The following IQSEC1 variants were observed in gnomAD, a reference collection of about 807,000 sequenced individuals.
IQSEC1 encodes IQ motif and Sec7 domain ArfGEF 1, also known as IQ motif and SEC7 domain-containing protein 1.
Under a neutral mutation model 91.0 loss-of-function variants are expected in IQSEC1, and 31 were observed. That is an observed-to-expected ratio of 0.34 (90% confidence interval 0.26 to 0.46). The LOEUF (loss-of-function observed/expected upper bound fraction) is 0.46, where lower values mean the gene tolerates loss of function less well. Among genes scored for constraint, IQSEC1 ranks in the 20% least tolerant of loss-of-function variants. IQSEC1 has a pLI of 1.00. For synonymous variants in IQSEC1, 699 were observed against 662.6 expected (o/e 1.05, Z -0.84); for missense variants, 1,388 against 1,575.6 (o/e 0.88, Z 2.02).
intron 1 of IQSEC1, among the ~76,000 whole-genome samples, chr3:13,254,089 C>T (rs1391432836): frequency 4.6e-5 from 7 of 152,234 alleles, no homozygotes; most frequent in African/African-American, 1.7e-4. Context: ...CACAGTCAGC[C>T]GTCACGTTGA....
intron 1 of IQSEC1, among the ~76,000 whole-genome samples, chr3:13,257,396 G>A (rs1450548932): frequency 6.6e-6 from 1 of 152,174 alleles, no homozygotes; most frequent in Non-Finnish European, 1.5e-5. Flanking sequence ...TGAACCCCAC[G>A]CTGTGGGTCC....
Position 12,911,680 on chromosome 3 carries a change from G to A in IQSEC1, c.2365C>T (p.Arg789Ter), listed in dbSNP as rs1332327407. Residue 789 changes from arginine (R) to a stop codon, truncating the protein, a stop_gained, in exon 10 of 14, where the codon CGA (arginine) becomes TGA (stop). Coordinates refer to ENST00000613206, the MANE Select transcript of IQSEC1 (RefSeq NM_001134382.3). LOFTEE classifies it high-confidence loss of function. Reference protein sequence around the residue: ...KKKNSVTYSFRQSFSLYGMQV... With the variant: ...KKKNSVTYSF ...ATGCCGTACAAGGAGAAGGACTGTC[G>A]GAAGCTGTACGTCACCGAGTTCTTC... 2 of 1,613,760 alleles carry A rather than the reference G, an allele frequency of 1.2e-6. No individual in the cohort carries two copies. Among genetic ancestry groups the A allele is most frequent in the East Asian group, 2.2e-5 (1 of 44,898 alleles).
intron 6 of IQSEC1, 141 bp downstream of exon 6, chr3:12,920,289 C>A (rs1350585865): frequency 1.3e-6 from 1 of 780,500 alleles, no homozygotes; most frequent in Admixed American, 2.3e-5. Context: ...TCCCCAAAGG[C>A]CCCTCCATGC....
rs552147607 is a variant in IQSEC1 at position 13,037,767 on chromosome 3, AAC to A, written c.23+35223_23+35224del. Among the ~76,000 whole-genome samples, 40 of 152,310 alleles carry A rather than the reference AAC, an allele frequency of 2.6e-4. No homozygotes were observed. In the South Asian group the frequency reaches 7.9e-3, roughly 30 times the overall value. On this transcript the variant is annotated intron_variant, in intron 1 of 13. Coordinates refer to ENST00000613206, the MANE Select transcript of IQSEC1 (RefSeq NM_001134382.3). Reference sequence around the variant, plus strand: ...AAGTGAAATAATAAAATAACAAAAAAACAAATACTGTATTGATTCCATTCATA... The same window carrying A: ...AAGTGAAATAATAAAATAACAAAAAAAAATACTGTATTGATTCCATTCATA...
At chr3:13,129,538 AC>A (rs1274021118) in intron 2 of IQSEC1, among the ~76,000 whole-genome samples, 2 of 152,212 alleles carry the variant, frequency 1.3e-5, no homozygotes, top group Admixed American at 1.3e-4. Context: ...TAAAAACAAA[AC>A]AAAACAGTTT....
rs1165365935 is a variant in IQSEC1, at chr3:12,908,633, G to C, written c.2579-108C>G. 11 of 1,205,382 alleles carry C rather than the reference G, an allele frequency of 9.1e-6. No homozygotes were observed. The highest frequency in any genetic ancestry group is 1.1e-5 in the Non-Finnish European group (9 of 845,084). The allele number at this position is 1,205,382 out of a possible 1,614,324, so 74.7% of individuals were successfully genotyped here. A position where few individuals can be genotyped will look rare whatever the true frequency, so the allele number is the denominator to read the frequency against. On this transcript the variant is annotated intron_variant, in intron 11 of 13. Transcript: ENST00000613206. The surrounding 1 kb of genome is among the most constrained non-coding windows in gnomAD (Gnocchi z 4.9). ...CACTGTCCTGAGCCACCATCTGCTT[G>C]GAATGGGGAAGGGTTGTTTCTGGGA...
chr3:12,920,339 G>C, intron 6 of IQSEC1, 91 bp downstream of exon 6: 1 of 1,314,946 alleles, frequency 7.6e-7, no homozygotes, highest in Non-Finnish European at 1.1e-6. Flanking sequence ...CCAACTGGAG[G>C]TTGCCTCACG....
intron 2 of IQSEC1, among the ~76,000 whole-genome samples, chr3:13,084,296 A>T (rs955391904): frequency 6.6e-6 from 1 of 150,664 alleles, no homozygotes; most frequent in Non-Finnish European, 1.5e-5. Context: ...GGTGGTGTGG[A>T]GTCTGGGGCC....
chr3:13,210,767 T>C (rs1694429187), intron 1 of IQSEC1, among the ~76,000 whole-genome samples: 2 of 151,960 alleles, frequency 1.3e-5, no homozygotes, highest in Admixed American at 1.3e-4. Flanking sequence ...GAGTCATGTG[T>C]TTCTCCCTGT....
At chr3:12,929,041 A>G (rs1434514538) in intron 3 of IQSEC1, among the ~76,000 whole-genome samples, 1 of 152,196 alleles carries the variant, frequency 6.6e-6, no homozygotes, top group Non-Finnish European at 1.5e-5. Context: ...GACGGAGATA[A>G]AGTCCAAGAA....
chr3:13,186,767 C>T (rs1693938491), intron 1 of IQSEC1, among the ~76,000 whole-genome samples: 1 of 152,108 alleles, frequency 6.6e-6, no homozygotes, highest in African/African-American at 2.4e-5. Context: ...GGGCTCCCTG[C>T]ACTGGACGGC....
In IQSEC1 at chr3:13,057,869, T is replaced by A. The variant is rs898562405; in HGVS notation, c.23+15123A>T. Among the ~76,000 whole-genome samples the A allele has an allele frequency of 7.2e-5, 11 of 152,294 alleles. No individual in the cohort carries two copies. The East Asian group carries it at 2.1e-3, about 29-fold the overall frequency. On this transcript the variant is annotated intron_variant, in intron 1 of 13. Coordinates refer to ENST00000613206, the MANE Select transcript of IQSEC1 (RefSeq NM_001134382.3). ...CCACCCCATGCCTGCACTCAGCAAC[T>A]ACATGAAAGGAAAATCTGCCCCCAG...
chr3:13,178,725 C>T (rs535167531), intron 1 of IQSEC1, among the ~76,000 whole-genome samples: 14 of 152,328 alleles, frequency 9.2e-5, no homozygotes, highest in South Asian at 6.2e-4. Context: ...GAAAAAGTAA[C>T]GGCTGAGAAT....
chr3:13,005,231 A>G (rs934269430), intron 1 of IQSEC1, among the ~76,000 whole-genome samples: 30 of 152,252 alleles, frequency 2.0e-4, no homozygotes, highest in African/African-American at 7.0e-4. Flanking sequence ...TTTACTTGAA[A>G]AGCCCGGGAG....
chr3:13,263,792 C>T (rs1695436835), intron 1 of IQSEC1, among the ~76,000 whole-genome samples: 1 of 152,118 alleles, frequency 6.6e-6, no homozygotes, highest in Non-Finnish European at 1.5e-5. Flanking sequence ...CCGTCCCTGC[C>T]AGCCTCCCCC....
intron 2 of IQSEC1, among the ~76,000 whole-genome samples, chr3:13,080,978 G>T (rs1373839754): frequency 6.6e-6 from 1 of 152,244 alleles, no homozygotes; most frequent in Non-Finnish European, 1.5e-5. Flanking sequence ...TCAAACAAAT[G>T]TTAAGGTAAA....
chr3:13,254,965 G>A (rs917642892), intron 1 of IQSEC1, among the ~76,000 whole-genome samples: 3 of 152,164 alleles, frequency 2.0e-5, no homozygotes, highest in African/African-American at 4.8e-5. Context: ...CTCCAGATCC[G>A]ACAAGGCACA....
At chr3:13,151,654 A>C (rs1182318452) in intron 2 of IQSEC1, among the ~76,000 whole-genome samples, 1 of 152,224 alleles carries the variant, frequency 6.6e-6, no homozygotes, top group African/African-American at 2.4e-5. Context: ...AAGTACCATC[A>C]TGTCTACATC....
chr3:13,087,377 C>T (rs914132833), intron 2 of IQSEC1, among the ~76,000 whole-genome samples: 3 of 152,194 alleles, frequency 2.0e-5, no homozygotes, highest in African/African-American at 7.2e-5. Flanking sequence ...GCAGGAGAGG[C>T]TCTCGGTGCA....
Sources: allele counts gnomAD v4.1 joint callset (sites outside exome capture counted in the v4.1 genomes callset), GRCh38; gene constraint gnomAD v4.1.1; non-coding constraint Gnocchi (gnomAD v3.1); transcripts MANE v1.5; gene names NCBI Gene and HGNC (gene_info 2026-07-23, HGNC 2026-07-21).